The following PRMT8 variants were observed in gnomAD, a reference collection of about 807,000 sequenced individuals.
The protein encoded by PRMT8 is protein arginine N-methyltransferase 8.
A neutral mutation model predicts 47.1 loss-of-function variants in PRMT8; 7 were observed. The ratio of observed to expected loss-of-function variants is 0.15; its 90% CI spans 0.08 to 0.28. The LOEUF (loss-of-function observed/expected upper bound fraction) is 0.28. Ranked by LOEUF, PRMT8 falls within the 10% of genes least tolerant of loss-of-function variation. The pLI is 1.00. For missense variants in PRMT8, 237 were observed against 505.4 expected (o/e 0.47, Z 5.09); for synonymous variants, 188 against 186.5 (o/e 1.01, Z -0.07).
chr12:3,392,753 T>C (rs1305841758), intron 1 of PRMT8, among the ~76,000 whole-genome samples: 1 of 152,034 alleles, frequency 6.6e-6, no homozygotes, highest in Non-Finnish European at 1.5e-5. Context: ...GGTCAAATGG[T>C]ATTTCTAGTT....
chr12:3,563,464 G>T (rs1333797895), intron 4 of PRMT8, among the ~76,000 whole-genome samples: 1 of 151,968 alleles, frequency 6.6e-6, no homozygotes, highest in Admixed American at 6.5e-5. Context: ...CAGCAATAGG[G>T]TCAGTTTGCT....
At chr12:3,415,152 A>G (rs1467332268) in intron 1 of PRMT8, among the ~76,000 whole-genome samples, 1 of 152,014 alleles carries the variant, frequency 6.6e-6, no homozygotes, top group African/African-American at 2.4e-5. Flanking sequence ...ACTCAGGGAA[A>G]CACTTACATT....
At chr12:3,578,277 G>T (rs1189221039) in intron 7 of PRMT8, among the ~76,000 whole-genome samples, 1 of 152,082 alleles carries the variant, frequency 6.6e-6, no homozygotes, top group African/African-American at 2.4e-5. Context: ...CACCCAGGTT[G>T]AAGTGCAGTG....
At chr12:3,403,093 A>C (rs1864333869) in intron 1 of PRMT8, among the ~76,000 whole-genome samples, 3 of 152,354 alleles carry the variant, frequency 2.0e-5, no homozygotes, top group South Asian at 2.1e-4. Flanking sequence ...AGACTGGATA[A>C]AGAAAATATG....
At chr12:3,438,516 G>A (rs977063246) in intron 1 of PRMT8, among the ~76,000 whole-genome samples, 1 of 152,164 alleles carries the variant, frequency 6.6e-6, no homozygotes, top group African/African-American at 2.4e-5. Flanking sequence ...GAGCCTCTTC[G>A]TCCTAGGGTC....
At chr12:3,407,099 T>G (rs1864379846) in intron 1 of PRMT8, among the ~76,000 whole-genome samples, 1 of 152,162 alleles carries the variant, frequency 6.6e-6, no homozygotes, top group South Asian at 2.1e-4. Context: ...CATGTCCTTC[T>G]TAATATGGTG....
chr12:3,451,033 ACCCCCCCCCCCCCCC>A (rs71061115), intron 1 of PRMT8, among the ~76,000 whole-genome samples: 1 of 26,088 alleles, frequency 3.8e-5, no homozygotes, highest in Non-Finnish European at 6.6e-5. Context: ...TCTTGCTGAC[ACCCCCCCCCCCCCCC>A]CCCCCCCGCC....
intron 1 of PRMT8, among the ~76,000 whole-genome samples, chr12:3,437,461 T>A (rs1297473973): frequency 6.6e-6 from 1 of 151,840 alleles, no homozygotes; most frequent in African/African-American, 2.4e-5. Flanking sequence ...GATCACTTTA[T>A]CCCCCGGGTA....
At position 3,593,444 on chromosome 12, in the gene PRMT8, GC is replaced by G; in HGVS notation, c.*266del. The stretch of plus-strand genomic sequence containing the variant: ...GAGCGACCTGGCGTGCTGTGGCTGG[GC>G]CCCGAGGGTGGAAACGTATTCGCGT... On this transcript the variant is annotated 3_prime_UTR_variant, in exon 10 of 10. Coordinates refer to ENST00000382622, the MANE Select transcript of PRMT8 (RefSeq NM_019854.5). The surrounding 1 kb of genome is among the most constrained non-coding windows in gnomAD (Gnocchi z 4.8). 6 of 472,042 alleles carry G rather than the reference GC, an allele frequency of 1.3e-5. 1 individual carries two copies. In the South Asian group the frequency reaches 1.5e-4, roughly 12 times the overall value. The allele number at this position is 472,042 out of a possible 1,614,324, so 29.2% of individuals were successfully genotyped here.
chr12:3,548,104 G>A (rs536223063), intron 2 of PRMT8, among the ~76,000 whole-genome samples: 1 of 152,158 alleles, frequency 6.6e-6, no homozygotes, highest in Non-Finnish European at 1.5e-5. Context: ...TTTTGGTAAA[G>A]GTGACAAGGT....
intron 1 of PRMT8, among the ~76,000 whole-genome samples, chr12:3,480,153 T>G (rs539143733): frequency 5.7e-4 from 87 of 152,226 alleles, no homozygotes; most frequent in Non-Finnish European, 1.1e-3. Context: ...TGCCATATTT[T>G]AAAACAGATG....
At chr12:3,461,381 C>A (rs1007386835) in intron 1 of PRMT8, among the ~76,000 whole-genome samples, 1 of 152,134 alleles carries the variant, frequency 6.6e-6, no homozygotes, top group African/African-American at 2.4e-5. Flanking sequence ...GATGTGGAAA[C>A]CAGAGACTAA....
chr12:3,446,537 T>C (rs1014151292), intron 1 of PRMT8, among the ~76,000 whole-genome samples: 6 of 152,236 alleles, frequency 3.9e-5, no homozygotes, highest in African/African-American at 1.4e-4. Context: ...CCCAAGTCCC[T>C]GGTCTGGGGA....
chr12:3,568,969 C>T (rs1391134058), intron 5 of PRMT8, 121 bp downstream of exon 5: 3 of 1,313,410 alleles, frequency 2.3e-6, no homozygotes, highest in African/African-American at 2.9e-5. Context: ...GAGGTCACTG[C>T]CCCAAGCCCC....
chr12:3,581,148 A>G (rs1867054301), intron 7 of PRMT8, among the ~76,000 whole-genome samples: 1 of 152,168 alleles, frequency 6.6e-6, no homozygotes, highest in South Asian at 2.1e-4. Context: ...GACGTGGAGG[A>G]CCTGATGTGG....
At chr12:3,568,205 G>A (rs980172347) in intron 4 of PRMT8, among the ~76,000 whole-genome samples, 1 of 152,150 alleles carries the variant, frequency 6.6e-6, no homozygotes, top group African/African-American at 2.4e-5. Flanking sequence ...CACTCACTGA[G>A]TGGAGTGGAT....
intron 2 of PRMT8, among the ~76,000 whole-genome samples, chr12:3,544,066 T>C (rs956980801): frequency 1.3e-5 from 2 of 152,190 alleles, no homozygotes; most frequent in Admixed American, 6.5e-5. Context: ...TGAAACAGAC[T>C]CTTTGGGGCC....
intron 1 of PRMT8, among the ~76,000 whole-genome samples, chr12:3,396,104 G>T (rs1215267347): frequency 1.3e-5 from 2 of 152,164 alleles, no homozygotes; most frequent in Non-Finnish European, 2.9e-5. Context: ...GCCTATGTGT[G>T]TCTCTGCATG....
chr12:3,421,856 C>T (rs1004178695), intron 1 of PRMT8, among the ~76,000 whole-genome samples: 1 of 152,238 alleles, frequency 6.6e-6, no homozygotes, highest in Non-Finnish European at 1.5e-5. Flanking sequence ...GGGATGGAGG[C>T]TGAGGCTGCT....
Sources: allele counts gnomAD v4.1 joint callset (sites outside exome capture counted in the v4.1 genomes callset), GRCh38; gene constraint gnomAD v4.1.1; non-coding constraint Gnocchi (gnomAD v3.1); transcripts MANE v1.5; gene names NCBI Gene and HGNC (gene_info 2026-07-23, HGNC 2026-07-21).